The following MSI2 variants were observed in gnomAD, a reference collection of about 807,000 sequenced individuals.
MSI2 encodes the protein musashi RNA binding protein 2.
A neutral mutation model predicts 45.6 loss-of-function variants in MSI2; 17 were observed. The ratio of observed to expected loss-of-function variants is 0.37; its 90% CI spans 0.26 to 0.56. MSI2 has a LOEUF of 0.56. MSI2 is among the 20% of genes least tolerant of loss of function. The probability of loss-of-function intolerance (pLI) is 0.77; values close to 1 mark genes in which losing one functional copy is unlikely to be tolerated. For missense variants in MSI2, 293 were observed against 444.2 expected, an observed-to-expected ratio of 0.66 and a Z score of 3.06; for synonymous variants, 156 against 158.2, an observed-to-expected ratio of 0.99 and a Z score of 0.11.
chr17:57,262,039 TA>T, intron 4 of MSI2, 111 bp from the exon 5 acceptor site: 2 of 1,196,412 alleles, frequency 1.7e-6, no homozygotes, highest in Non-Finnish European at 2.4e-6. Flanking sequence ...GAGAAGTTAC[TA>T]AAAGCTGGAT....
intron 11 of MSI2, among the ~76,000 whole-genome samples, chr17:57,666,471 T>C (rs150943298): frequency 1.5e-3 from 225 of 152,368 alleles, no homozygotes; most frequent in Non-Finnish European, 2.3e-3. Context: ...TCTAGAACTT[T>C]GTGCTTCTTG....
At chr17:57,337,587 G>C (rs376030888) in intron 5 of MSI2, among the ~76,000 whole-genome samples, 1 of 152,106 alleles carries the variant, frequency 6.6e-6, no homozygotes, top group East Asian at 1.9e-4. Context: ...TGTCCCTGTC[G>C]TGTTTACCAC....
chr17:57,418,136 A>T (rs1452630513), intron 6 of MSI2, among the ~76,000 whole-genome samples: 1 of 152,236 alleles, frequency 6.6e-6, no homozygotes, highest in Non-Finnish European at 1.5e-5. Context: ...GCCATAGACA[A>T]TATGTAAATG....
chr17:57,376,660 C>T (rs956767948), intron 5 of MSI2, among the ~76,000 whole-genome samples: 3 of 152,200 alleles, frequency 2.0e-5, no homozygotes, highest in African/African-American at 4.8e-5. Flanking sequence ...GTCTTCCTTA[C>T]CCCTTTGAAG....
At chr17:57,553,296 G>T (rs930509982) in intron 7 of MSI2, among the ~76,000 whole-genome samples, 1 of 152,192 alleles carries the variant, frequency 6.6e-6, no homozygotes, top group East Asian at 1.9e-4. Flanking sequence ...ACTGAAAGCT[G>T]TTTGGGAAGG....
At chr17:57,489,755 GGACACTGGTGACTGA>G (rs2085831734) in intron 6 of MSI2, among the ~76,000 whole-genome samples, 1 of 152,174 alleles carries the variant, frequency 6.6e-6, no homozygotes, top group African/African-American at 2.4e-5. Context: ...GCACAGTGCC[GGACACTGGTGACTGA>G]GACACTGGTG....
chr17:57,502,636 T>TATAGAGAG, intron 6 of MSI2, among the ~76,000 whole-genome samples: 9 of 96,932 alleles, frequency 9.3e-5, no homozygotes, highest in Non-Finnish European at 1.9e-4. Context: ...TATATATATA[T>TATAGAGAG]AGTCATCATT....
chr17:57,574,816 T>TTC (rs1215258793), intron 7 of MSI2, among the ~76,000 whole-genome samples: 66 of 150,862 alleles, frequency 4.4e-4, no homozygotes, highest in African/African-American at 8.5e-4. Flanking sequence ...AAATTCTGCA[T>TTC]TCTCTCTCTC....
At chr17:57,606,619 C>T (rs927284187) in intron 8 of MSI2, among the ~76,000 whole-genome samples, 13 of 152,138 alleles carry the variant, frequency 8.5e-5, no homozygotes, top group African/African-American at 3.1e-4. Context: ...GGAAGAGCCA[C>T]ATCTCAGCCA....
At chr17:57,470,946 C>T in intron 6 of MSI2, among the ~76,000 whole-genome samples, 1 of 149,202 alleles carries the variant, frequency 6.7e-6, no homozygotes, top group Non-Finnish European at 1.5e-5. Flanking sequence ...CGAGCAGTTC[C>T]TGCTCTGGAG....
At chr17:57,439,039 T>G (rs760312761) in intron 6 of MSI2, among the ~76,000 whole-genome samples, 2 of 152,120 alleles carry the variant, frequency 1.3e-5, no homozygotes, top group Admixed American at 6.5e-5. Flanking sequence ...TGACCTCAGG[T>G]GATCCGCAGA....
chr17:57,586,380 C>T (rs891439342), intron 7 of MSI2, among the ~76,000 whole-genome samples: 2 of 152,130 alleles, frequency 1.3e-5, no homozygotes, highest in Non-Finnish European at 2.9e-5. Flanking sequence ...CCCTTCTAAC[C>T]TCCCTTTCTT....
intron 9 of MSI2, among the ~76,000 whole-genome samples, chr17:57,624,002 A>G (rs1908555592): frequency 6.6e-6 from 1 of 152,170 alleles, no homozygotes; most frequent in South Asian, 2.1e-4. Context: ...AGACTATAGT[A>G]TTGATGTGTC....
At chr17:57,371,837 G>A (rs960102794) in intron 5 of MSI2, among the ~76,000 whole-genome samples, 2 of 151,460 alleles carry the variant, frequency 1.3e-5, no homozygotes, top group East Asian at 3.9e-4. Flanking sequence ...GGGGTTAAAG[G>A]CTATGGATAT....
chr17:57,266,053 T>C (rs1441239200), intron 5 of MSI2: 2 of 152,258 alleles, frequency 1.3e-5, no homozygotes, highest in African/African-American at 4.8e-5. Context: ...TAAGAAAACA[T>C]TCCCATCTTT....
intron 3 of MSI2, 107 bp downstream of exon 3, chr17:57,257,654 C>A: frequency 3.9e-6 from 3 of 770,616 alleles, no homozygotes; most frequent in Non-Finnish European, 6.4e-6. Flanking sequence ...GGGGCTCAGG[C>A]GCGTGGCTGA....
chr17:57,658,389 G>A (rs1044216882), intron 11 of MSI2, among the ~76,000 whole-genome samples: 6 of 152,168 alleles, frequency 3.9e-5, no homozygotes, highest in Admixed American at 6.5e-5. Flanking sequence ...TGGATACCTC[G>A]TTTCCCAGTT....
Position 57,662,426 on chromosome 17 carries a change from C to A in MSI2, c.790+10265C>A, listed in dbSNP as rs937609099. On this transcript the variant is annotated intron_variant, in intron 11 of 13. Coordinates refer to ENST00000284073, the MANE Select transcript of MSI2 (RefSeq NM_138962.4). Reference sequence around the variant, plus strand: ...CATGTATTATGAGTGAGCCAAGTACCATGTCAAGCCCACCTGCCTTATCCC... The same window carrying A: ...CATGTATTATGAGTGAGCCAAGTACAATGTCAAGCCCACCTGCCTTATCCC... Among the ~76,000 whole-genome samples the A allele has an allele frequency of 3.3e-5, 5 of 152,174 alleles. No homozygotes were observed. In the East Asian group the frequency reaches 9.6e-4, roughly 29 times the overall value.
At chr17:57,352,018 G>A (rs138911921) in intron 5 of MSI2, among the ~76,000 whole-genome samples, 1 of 152,344 alleles carries the variant, frequency 6.6e-6, no homozygotes, top group East Asian at 1.9e-4. Context: ...TGTGAGGCAG[G>A]TCAGCTTCTC....
Sources: gnomAD v4.1 joint callset for allele counts (sites outside exome capture counted in the v4.1 genomes callset) on GRCh38, gnomAD v4.1.1 for gene constraint, MANE v1.5 for transcripts, NCBI Gene and HGNC (gene_info 2026-07-23, HGNC 2026-07-21) for gene names.